The following SUMF1 variants were observed in gnomAD, a reference collection of about 807,000 sequenced individuals.
SUMF1 encodes the protein formylglycine-generating enzyme.
In SUMF1, 48 loss-of-function variants were observed where a neutral mutation model predicts 47.6. The observed-to-expected ratio is 1.01, with a 90% confidence interval of 0.80 to 1.28. SUMF1 has a LOEUF of 1.28. SUMF1 is among the 50% of genes most tolerant of loss of function. The pLI, the probability that SUMF1 is intolerant of heterozygous loss-of-function variation, is 0.00. For synonymous variants in SUMF1, 230 were observed against 192.1 expected, an observed-to-expected ratio of 1.20 and a Z score of -1.63; for missense variants, 571 against 485.4, an observed-to-expected ratio of 1.18 and a Z score of -1.66.
At position 4,109,293 on chromosome 3, in the gene SUMF1, C is replaced by T. The variant is rs373482796; in HGVS notation, c.1015-40548G>A. Among the ~76,000 whole-genome samples the T allele has an allele frequency of 1.4e-4, 21 of 152,200 alleles. No individual in the cohort carries two copies. The South Asian group carries it at 1.7e-3, about 12-fold the overall frequency. On this transcript the variant is annotated intron_variant and NMD_transcript_variant, in intron 8 of 12. Coordinates refer to the SUMF1 transcript ENST00000448413. The stretch of plus-strand genomic sequence containing the variant: ...CTTGTAGAGTTTCTGCAGAGAGATC[C>T]GCTGTAAGTCTGATGGGCTTCCCTT...
At chr3:4,215,495 T>G (rs1253423368) in intron 8 of SUMF1, among the ~76,000 whole-genome samples, 1 of 152,200 alleles carries the variant, frequency 6.6e-6, no homozygotes, top group African/African-American at 2.4e-5. Context: ...AAGGCAAGGA[T>G]GCCCTCTCTC....
intron 8 of SUMF1, among the ~76,000 whole-genome samples, chr3:4,069,120 T>C (rs1296058570): frequency 6.6e-6 from 1 of 152,162 alleles, no homozygotes; most frequent in African/African-American, 2.4e-5. Flanking sequence ...GTTATGACAC[T>C]GTCCTCAAGA....
chr3:4,162,075 T>C (rs571583200), intron 8 of SUMF1, among the ~76,000 whole-genome samples: 3 of 152,204 alleles, frequency 2.0e-5, no homozygotes, highest in Non-Finnish European at 4.4e-5. Context: ...GTTTCCCTTC[T>C]GGTGCAGGGT....
Position 4,412,436 on chromosome 3 carries a change from C to T in SUMF1, c.841-1458G>A, listed in dbSNP as rs183778687. Among the ~76,000 whole-genome samples the T allele has an allele frequency of 2.8e-4, 42 of 152,056 alleles. No homozygotes were observed. The East Asian group carries it at 7.0e-3, about 25-fold the overall frequency. The stretch of plus-strand genomic sequence containing the variant: ...ATAGGGCTCAGAGTTCAAAAGAGAA[C>T]GAAGAGGCCACAGGCATAAACAACT... On this transcript the variant is annotated intron_variant, in intron 6 of 8. Transcript: ENST00000272902.
chr3:4,164,190 G>A (rs1237503033), intron 8 of SUMF1, among the ~76,000 whole-genome samples: 1 of 152,166 alleles, frequency 6.6e-6, no homozygotes, highest in East Asian at 1.9e-4. Context: ...CAACTGAGGA[G>A]GTGGGAGAAA....
intron 8 of SUMF1, among the ~76,000 whole-genome samples, chr3:4,109,615 T>C (rs1693244432): frequency 6.6e-6 from 1 of 152,102 alleles, no homozygotes; most frequent in Admixed American, 6.5e-5. Flanking sequence ...TTGGAGGCTT[T>C]GTTCATTTCT....
intron 9 of SUMF1, among the ~76,000 whole-genome samples, chr3:4,042,359 A>C (rs551066965): frequency 2.0e-5 from 3 of 152,286 alleles, no homozygotes; most frequent in East Asian, 3.9e-4. Flanking sequence ...TTTTAAAAAA[A>C]CCCTGATAAA....
intron 8 of SUMF1, among the ~76,000 whole-genome samples, chr3:4,319,944 G>GA (rs1451190628): frequency 6.6e-6 from 1 of 152,156 alleles, no homozygotes; most frequent in African/African-American, 2.4e-5. Context: ...TGACACTCTG[G>GA]AAAAGACAAA....
At chr3:4,169,585 G>T (rs1872416) in intron 8 of SUMF1, among the ~76,000 whole-genome samples, 99,663 of 151,946 alleles carry the variant, frequency 0.66, 32,855 homozygotes, top group South Asian at 0.73. Flanking sequence ...CTAGCCTCCA[G>T]AACTATGGGG....
intron 8 of SUMF1, among the ~76,000 whole-genome samples, chr3:4,180,103 A>C (rs1306079107): frequency 1.3e-5 from 2 of 152,332 alleles, no homozygotes; most frequent in East Asian, 1.9e-4. Context: ...GTGGGAGTGT[A>C]AATTAGTTCC....
intron 8 of SUMF1, among the ~76,000 whole-genome samples, chr3:4,333,443 G>A (rs955400681): frequency 2.6e-5 from 4 of 152,206 alleles, no homozygotes; most frequent in African/African-American, 9.7e-5. Context: ...AGTGAATACA[G>A]AAAGGAAAGC....
intron 3 of SUMF1, among the ~76,000 whole-genome samples, chr3:4,426,858 T>C (rs1427062727): frequency 6.6e-6 from 1 of 152,222 alleles, no homozygotes; most frequent in Non-Finnish European, 1.5e-5. Context: ...GACCTATTTC[T>C]AGTCAACCAT....
chr3:4,376,451 G>A, intron 7 of SUMF1, 62 bp from the exon 8 acceptor site: 2 of 1,541,240 alleles, frequency 1.3e-6, no homozygotes, highest in Non-Finnish European at 1.8e-6. Context: ...TACACAGTGG[G>A]AGAGAATCCA....
chr3:4,256,624 A>C (rs1325506377), intron 8 of SUMF1, among the ~76,000 whole-genome samples: 1 of 151,128 alleles, frequency 6.6e-6, no homozygotes, highest in Non-Finnish European at 1.5e-5. Flanking sequence ...GCAATAATCA[A>C]TAGTTTACCA....
chr3:4,413,532 T>G (rs1701612450), intron 6 of SUMF1, among the ~76,000 whole-genome samples: 1 of 152,140 alleles, frequency 6.6e-6, no homozygotes, highest in Non-Finnish European at 1.5e-5. Context: ...GTTAACTGCC[T>G]GCTATTAAAC....
At chr3:4,426,391 G>A (rs944875179) in intron 3 of SUMF1, among the ~76,000 whole-genome samples, 26 of 152,154 alleles carry the variant, frequency 1.7e-4, no homozygotes, top group African/African-American at 6.0e-4. Flanking sequence ...TCCTGCGCAA[G>A]TTTCCCTTGG....
intron 9 of SUMF1, among the ~76,000 whole-genome samples, chr3:4,053,606 A>G (rs1695148382): frequency 6.6e-6 from 1 of 152,180 alleles, no homozygotes; most frequent in African/African-American, 2.4e-5. Flanking sequence ...GTGGTCCAGA[A>G]TCCCAGAATC....
At chr3:4,199,262 T>C (rs1695492366) in intron 8 of SUMF1, among the ~76,000 whole-genome samples, 1 of 151,832 alleles carries the variant, frequency 6.6e-6, no homozygotes, top group Admixed American at 6.6e-5. Context: ...TTCTTTTGTG[T>C]ATTGCTTCTT....
intron 8 of SUMF1, among the ~76,000 whole-genome samples, chr3:4,124,533 C>G (rs1693612969): frequency 6.6e-6 from 1 of 151,528 alleles, no homozygotes; most frequent in East Asian, 1.9e-4. Flanking sequence ...TCTTTATTTT[C>G]TCAGAAATAC....
Sources: gnomAD v4.1 joint callset for allele counts (sites outside exome capture counted in the v4.1 genomes callset) on GRCh38, gnomAD v4.1.1 for gene constraint, MANE v1.5 for transcripts, NCBI Gene and HGNC (gene_info 2026-07-23, HGNC 2026-07-21) for gene names.